Variants in ZNG1A observed in about 807,000 individuals in gnomAD.
The protein encoded by ZNG1A is Zn regulated GTPase metalloprotein activator 1A, also known as zinc-regulated GTPase metalloprotein activator 1A.
chr9:122,291 G>C, the ZNG1A span: 16 of 1,429,544 alleles, frequency 1.1e-5, no homozygotes, highest in Non-Finnish European at 1.5e-5. Context: ...AAAGGTTTCT[G>C]TGTATTGATT....
At chr9:129,354 C>G in the ZNG1A span, among the ~76,000 whole-genome samples, 10 of 151,760 alleles carry the variant, frequency 6.6e-5, no homozygotes, top group Non-Finnish European at 1.3e-4. Flanking sequence ...TCAAATTGAA[C>G]TTGCAAATGT....
chr9:154,608 A>C, the ZNG1A span: 1 of 854,484 alleles, frequency 1.2e-6, no homozygotes, highest in Non-Finnish European at 1.9e-6. Flanking sequence ...AAGCAGCTCA[A>C]CCTTATACCT....
At chr9:121,236 A>C in the ZNG1A span, 1 of 544,046 alleles carries the variant, frequency 1.8e-6, no homozygotes, top group East Asian at 3.0e-5. Context: ...CCAATTTCAA[A>C]AGATATTTTT....
At chr9:156,132 A>T in the ZNG1A span, among the ~76,000 whole-genome samples, 15 of 99,018 alleles carry the variant, frequency 1.5e-4, no homozygotes, top group Non-Finnish European at 2.5e-4. Context: ...CTCAAAAAAT[A>T]ATAATTATTA....
chr9:138,878 T>G, the ZNG1A span, among the ~76,000 whole-genome samples: 1 of 149,818 alleles, frequency 6.7e-6, no homozygotes, highest in African/African-American at 2.5e-5. Flanking sequence ...CACTCCAGCC[T>G]GAGTGACAGA....
the ZNG1A span, among the ~76,000 whole-genome samples, chr9:174,454 T>C: frequency 6.6e-6 from 1 of 151,596 alleles, no homozygotes; most frequent in Non-Finnish European, 1.5e-5. Context: ...TAATGAAACA[T>C]GAAGAAAAGT....
chr9:151,265 C>T, the ZNG1A span: 1 of 982,168 alleles, frequency 1.0e-6, no homozygotes. Flanking sequence ...GGCAGTCTGG[C>T]AGCACCTCTA....
the ZNG1A span, among the ~76,000 whole-genome samples, chr9:174,162 C>T: frequency 4.7e-5 from 7 of 147,934 alleles, no homozygotes; most frequent in African/African-American, 1.8e-4. Flanking sequence ...AAAAAAAAAA[C>T]CTAAACTTTT....
chr9:145,478 C>A, the ZNG1A span, among the ~76,000 whole-genome samples: 32 of 143,004 alleles, frequency 2.2e-4, no homozygotes, highest in South Asian at 6.7e-3. Context: ...TATTCTCACT[C>A]ATAGGTGGGA....
the ZNG1A span, chr9:172,570 A>G: frequency 6.3e-6 from 1 of 159,450 alleles, no homozygotes; most frequent in African/African-American, 2.4e-5. Flanking sequence ...TCTATTTTAC[A>G]TTAGGATGCA....
chr9:144,954 C>T, the ZNG1A span, among the ~76,000 whole-genome samples: 2 of 151,498 alleles, frequency 1.3e-5, no homozygotes, highest in African/African-American at 2.4e-5. Context: ...AAATGCTCAC[C>T]ATCACTGGCC....
the ZNG1A span, among the ~76,000 whole-genome samples, chr9:129,811 T>C: frequency 0.27 from 31,678 of 115,238 alleles, 4,794 homozygotes; most frequent in East Asian, 0.55. Context: ...GTAGGTCTCA[T>C]GTTAAGTGTT....
the ZNG1A span, chr9:178,937 C>T: frequency 0.036 from 38,546 of 1,080,458 alleles, 14,165 homozygotes; most frequent in Middle Eastern, 0.071. Context: ...CAGGATCCTC[C>T]TCCTCATCCG....
the ZNG1A span, among the ~76,000 whole-genome samples, chr9:142,924 A>T: frequency 8.2e-6 from 1 of 121,756 alleles, no homozygotes; most frequent in Non-Finnish European, 1.6e-5. Flanking sequence ...ACCTCTACGC[A>T]AATAAACTAG....
chr9:150,522 T>C, the ZNG1A span: 1 of 961,746 alleles, frequency 1.0e-6, no homozygotes, highest in Non-Finnish European at 1.2e-6. Flanking sequence ...ATAGTAAGAA[T>C]TGTACTCAGG....
chr9:140,341 G>A, the ZNG1A span, among the ~76,000 whole-genome samples: 15 of 151,616 alleles, frequency 9.9e-5, no homozygotes, highest in African/African-American at 3.7e-4. Context: ...GCCTCCTCAA[G>A]TGGGTCCCTG....
At chr9:177,330 A>G in the ZNG1A span, among the ~76,000 whole-genome samples, 2 of 152,184 alleles carry the variant, frequency 1.3e-5, no homozygotes, top group Admixed American at 1.3e-4. Flanking sequence ...TGCAACGAAT[A>G]AATTAAAGGG....
the ZNG1A span, chr9:164,010 T>C: frequency 6.9e-6 from 11 of 1,596,998 alleles, no homozygotes; most frequent in Non-Finnish European, 9.4e-6. Flanking sequence ...TAATTCAGCA[T>C]CAACCCAAAA....
At chr9:132,238 T>A in the ZNG1A span, among the ~76,000 whole-genome samples, 15 of 148,436 alleles carry the variant, frequency 1.0e-4, 1 homozygote, top group Non-Finnish European at 1.5e-4. Context: ...TAAAAATACA[T>A]TGAGGCCGGG....
Sources: allele counts gnomAD v4.1 joint callset (sites outside exome capture counted in the v4.1 genomes callset), GRCh38; gene constraint gnomAD v4.1.1; transcripts MANE v1.5; gene names NCBI Gene and HGNC (gene_info 2026-07-23, HGNC 2026-07-21).